GRIK2: variants seen among roughly 807,000 people sequenced by gnomAD.
GRIK2 encodes the protein glutamate ionotropic receptor kainate type subunit 2.
A neutral mutation model predicts 100.3 loss-of-function variants in GRIK2; 32 were observed. The ratio of observed to expected loss-of-function variants is 0.32; its 90% CI spans 0.24 to 0.43. The LOEUF (loss-of-function observed/expected upper bound fraction) is 0.43. Among genes scored for constraint, GRIK2 ranks in the 20% least tolerant of loss-of-function variants. GRIK2 has a pLI of 1.00. For synonymous variants in GRIK2, 417 were observed against 389.4 expected (o/e 1.07, Z -0.83); for missense variants, 843 against 1,114.9 (o/e 0.76, Z 3.47).
At chr6:101,807,067 A>G (rs1320890947) in intron 9 of GRIK2, among the ~76,000 whole-genome samples, 1 of 151,958 alleles carries the variant, frequency 6.6e-6, no homozygotes, top group Non-Finnish European at 1.5e-5. Flanking sequence ...ATCTTTATGG[A>G]AATTATGAGA....
intron 2 of GRIK2, among the ~76,000 whole-genome samples, chr6:101,437,737 T>C (rs1429621355): frequency 6.6e-6 from 1 of 152,078 alleles, no homozygotes; most frequent in African/African-American, 2.4e-5. Context: ...TCATCATTCC[T>C]CTGAGCTTCA....
At chr6:101,986,184 A>C (rs935220755) in intron 14 of GRIK2, among the ~76,000 whole-genome samples, 1 of 151,816 alleles carries the variant, frequency 6.6e-6, no homozygotes, top group Admixed American at 6.6e-5. Flanking sequence ...CATAAATATG[A>C]TTTTATTTTC....
intron 4 of GRIK2, among the ~76,000 whole-genome samples, chr6:101,668,775 C>A (rs2128337074): frequency 6.6e-6 from 1 of 152,210 alleles, no homozygotes; most frequent in East Asian, 1.9e-4. Context: ...ACCTGGGACT[C>A]CCTTCCTGGG....
At chr6:101,519,770 A>G (rs895867389) in intron 2 of GRIK2, among the ~76,000 whole-genome samples, 6 of 152,168 alleles carry the variant, frequency 3.9e-5, no homozygotes, top group African/African-American at 1.4e-4. Flanking sequence ...CAGACTATGT[A>G]AATTCTGAAC....
At chr6:101,418,485 TAC>T (rs1250364262) in intron 2 of GRIK2, among the ~76,000 whole-genome samples, 1 of 152,178 alleles carries the variant, frequency 6.6e-6, no homozygotes, top group Non-Finnish European at 1.5e-5. Context: ...AATACTGCTC[TAC>T]AGACGTCAAA....
intron 2 of GRIK2, among the ~76,000 whole-genome samples, chr6:101,429,963 G>T (rs576170917): frequency 6.6e-6 from 1 of 152,254 alleles, no homozygotes; most frequent in African/African-American, 2.4e-5. Flanking sequence ...GGGTCCTAAC[G>T]CTTGGACTTC....
At chr6:101,689,175 G>C (rs1041114093) in intron 7 of GRIK2, among the ~76,000 whole-genome samples, 2 of 151,942 alleles carry the variant, frequency 1.3e-5, no homozygotes, top group African/African-American at 2.4e-5. Context: ...TTAGAAAAAA[G>C]AGAAAAAAGA....
chr6:101,855,327 A>G (rs1460132798), intron 10 of GRIK2, among the ~76,000 whole-genome samples: 2 of 152,210 alleles, frequency 1.3e-5, no homozygotes, highest in Non-Finnish European at 2.9e-5. Flanking sequence ...AGAATTGCAC[A>G]TACATCAAAA....
intron 5 of GRIK2, among the ~76,000 whole-genome samples, chr6:101,680,564 G>A (rs1241406685): frequency 6.6e-5 from 10 of 152,150 alleles, no homozygotes; most frequent in African/African-American, 2.4e-4. Flanking sequence ...AATATGTAAT[G>A]TGCTTAGAAT....
At chr6:102,047,603 G>A (rs888636364) in intron 15 of GRIK2, among the ~76,000 whole-genome samples, 2 of 151,742 alleles carry the variant, frequency 1.3e-5, no homozygotes, top group South Asian at 2.1e-4. Flanking sequence ...CAAAAAATTA[G>A]CTGGGCATGG....
intron 7 of GRIK2, among the ~76,000 whole-genome samples, chr6:101,742,162 G>C (rs1211151172): frequency 6.6e-6 from 1 of 152,118 alleles, no homozygotes; most frequent in East Asian, 1.9e-4. Context: ...CTTTTTAATA[G>C]TTTTTAGCTT....
chr6:101,911,744 A>C (rs1214116843), intron 12 of GRIK2, among the ~76,000 whole-genome samples: 2 of 151,474 alleles, frequency 1.3e-5, no homozygotes, highest in Non-Finnish European at 3.0e-5. Context: ...AAGAGTAAAA[A>C]TAACTTGAGA....
chr6:101,676,885 A>G (rs1217715271), intron 5 of GRIK2, 81 bp downstream of exon 5: 13 of 776,236 alleles, frequency 1.7e-5, no homozygotes, highest in Middle Eastern at 3.8e-4. Flanking sequence ...TCAAAATATT[A>G]TTGTTATGCA....
chr6:101,893,707 T>C (rs1787253700), intron 12 of GRIK2, among the ~76,000 whole-genome samples: 2 of 151,730 alleles, frequency 1.3e-5, no homozygotes, highest in Non-Finnish European at 3.0e-5. Context: ...TTAGATCCCA[T>C]AAAATATTAA....
chr6:101,999,697 A>G (rs1242723288), intron 14 of GRIK2, among the ~76,000 whole-genome samples: 1 of 151,992 alleles, frequency 6.6e-6, no homozygotes, highest in Non-Finnish European at 1.5e-5. Flanking sequence ...GCCTTACTGT[A>G]TTGACTGGAA....
At chr6:102,001,450 T>C (rs1582698409) in intron 14 of GRIK2, among the ~76,000 whole-genome samples, 1 of 151,442 alleles carries the variant, frequency 6.6e-6, no homozygotes, top group Non-Finnish European at 1.5e-5. Flanking sequence ...AATGAGAACA[T>C]GCGGTGTTTG....
intron 14 of GRIK2, among the ~76,000 whole-genome samples, chr6:101,943,827 G>A (rs1213522281): frequency 2.0e-5 from 3 of 152,164 alleles, no homozygotes; most frequent in Non-Finnish European, 4.4e-5. Context: ...TGTCTCAGAT[G>A]AAACTTGGAT....
At position 101,889,748 on chromosome 6, in the gene GRIK2, C is replaced by T; in HGVS notation, c.1633C>T (p.Pro545Ser). The T allele has an allele frequency of 6.2e-7, 1 of 1,610,646 alleles. No homozygotes were observed. The highest frequency in any genetic ancestry group is 8.5e-7 in the Non-Finnish European group (1 of 1,177,086). ...TGGAATAAGTATTTTGTACCGCAAG[C>T]CCAATGGTACAAACCCAGGCGTCTT... ...TLGISILYRKPNGTNPGVFSF... is the reference protein window; with the variant it reads ...TLGISILYRKSNGTNPGVFSF... The change falls in exon 12 of 17, where the codon CCC becomes TCC. Residue 545 changes from proline (P) to serine (S), a missense_variant. By Grantham distance (74) the Pro-to-Ser change is moderately conservative. This residue lies in a region of GRIK2 where 237 missense variants were observed against 388.0 expected (regional missense o/e 0.61). Coordinates refer to ENST00000369134, the MANE Select transcript of GRIK2 (RefSeq NM_021956.5).
intron 2 of GRIK2, among the ~76,000 whole-genome samples, chr6:101,477,213 CA>C (rs1772284701): frequency 6.6e-6 from 1 of 152,092 alleles, no homozygotes; most frequent in Admixed American, 6.6e-5. Context: ...CATACACTTA[CA>C]GGGGCAGTTT....
Sources: gnomAD v4.1 joint callset for allele counts (sites outside exome capture counted in the v4.1 genomes callset) on GRCh38, gnomAD v4.1.1 for gene constraint, gnomAD v4.1.1 regional missense constraint, MANE v1.5 for transcripts, NCBI Gene and HGNC (gene_info 2026-07-23, HGNC 2026-07-21) for gene names.